The following GOPC variants were observed in gnomAD, a reference collection of about 807,000 sequenced individuals.
The protein encoded by GOPC is Golgi-associated PDZ and coiled-coil motif-containing protein.
GOPC carries 32 observed loss-of-function variants against 51.2 expected under a neutral mutation model. The observed-to-expected ratio is 0.63, with a 90% CI of 0.47 to 0.84. The LOEUF is 0.84. Ranked by LOEUF, GOPC falls within the 40% of genes least tolerant of loss-of-function variation. The pLI is 0.00. For synonymous variants in GOPC, 190 were observed against 205.1 expected, an observed-to-expected ratio of 0.93 and a Z score of 0.63; for missense variants, 441 against 555.5, an observed-to-expected ratio of 0.79 and a Z score of 2.07.
intron 1 of GOPC, among the ~76,000 whole-genome samples, chr6:117,596,059 TA>T (rs1400040466): frequency 4.0e-5 from 6 of 149,396 alleles, no homozygotes; most frequent in Non-Finnish European, 7.5e-5. Flanking sequence ...TGCCAACATC[TA>T]TTTTTTTTTA....
At chr6:117,576,531 G>A (rs371628017) in intron 3 of GOPC, among the ~76,000 whole-genome samples, 1 of 152,026 alleles carries the variant, frequency 6.6e-6, no homozygotes, top group Non-Finnish European at 1.5e-5. Flanking sequence ...CCTAGACCAA[G>A]ATTTCTTTGG....
Position 117,575,269 on chromosome 6 carries a change from A to G in GOPC, c.558T>C (p.Asn186=). Residue 186 remains asparagine (N), a synonymous_variant, in exon 4 of 9, where the codon AAT becomes AAC. Coordinates refer to ENST00000368498, the MANE Select transcript of GOPC (RefSeq NM_020399.4). ...CAGCTATATGTCTACGAAGGGCTTCATTCTCTTTTCTCAACAATTTCACTT... is the reference window on the plus strand; with the variant it reads ...CAGCTATATGTCTACGAAGGGCTTCGTTCTCTTTTCTCAACAATTTCACTT... ...EAEVKLLRKE[N]EALRRHIAVL... 1 of 1,613,732 alleles carries G rather than the reference A, an allele frequency of 6.2e-7. No individual in the cohort carries two copies. The highest frequency in any genetic ancestry group is 8.5e-7 in the Non-Finnish European group (1 of 1,179,790).
In GOPC at chr6:117,588,435, C is replaced by T. The variant is rs538254065; in HGVS notation, c.286-9371G>A. Among the ~76,000 whole-genome samples, 21 of 152,058 alleles carry T rather than the reference C, an allele frequency of 1.4e-4. No individual in the cohort carries two copies. The East Asian group carries it at 4.1e-3, about 29-fold the overall frequency. ...GGATTACCACTGCCCGCCACCACGC[C>T]CAGCTAATTTTTGTATTTTTAGTAG... On this transcript the variant is annotated intron_variant, in intron 1 of 8. Transcript: ENST00000368498.
At chr6:117,570,077 G>A (rs1258112731) in intron 6 of GOPC, among the ~76,000 whole-genome samples, 1 of 151,974 alleles carries the variant, frequency 6.6e-6, no homozygotes, top group Non-Finnish European at 1.5e-5. Flanking sequence ...CAATTTCAGA[G>A]AAGTTAAAAT....
At chr6:117,598,128 G>A (rs1780228116) in intron 1 of GOPC, among the ~76,000 whole-genome samples, 1 of 151,024 alleles carries the variant, frequency 6.6e-6, no homozygotes, top group Non-Finnish European at 1.5e-5. Flanking sequence ...AGAGGTTGAG[G>A]CAGGAGGATC....
At position 117,578,949 on chromosome 6, in the gene GOPC, T is replaced by C. The variant is rs769770198; in HGVS notation, c.401A>G (p.His134Arg). The change falls in exon 2 of 9, where the codon CAT (histidine) becomes CGT (arginine). Residue 134 changes from histidine to arginine, a missense_variant. By Grantham distance (29) the His-to-Arg change is conservative. This residue lies in a region of GOPC where 204 missense variants were observed against 219.8 expected (regional missense o/e 0.93). Transcript: ENST00000368498. ...LQLHSIQLQL[H>R]AKTGQSADSG... Reference sequence around the variant, plus strand: ...GTCAGCACTTTGACCAGTTTTAGCATGAAGCTGCAGCTGAATAGAGTGCAG... The same window carrying C: ...GTCAGCACTTTGACCAGTTTTAGCACGAAGCTGCAGCTGAATAGAGTGCAG... The C allele has an allele frequency of 1.1e-5, 17 of 1,611,028 alleles. No individual in the cohort carries two copies. Among genetic ancestry groups the C allele is most frequent in the African/African-American group, 1.3e-5 (1 of 74,824 alleles).
chr6:117,585,088 G>A (rs1297119897), intron 1 of GOPC, among the ~76,000 whole-genome samples: 1 of 152,092 alleles, frequency 6.6e-6, no homozygotes, highest in African/African-American at 2.4e-5. Context: ...ATTAACATAA[G>A]AGGCATAACT....
Position 117,579,032 on chromosome 6 carries a change from T to C in GOPC, c.318A>G (p.Thr106=), listed in dbSNP as rs1192442056. 6.2e-7 allele frequency: 1 copy of C among 1,609,232 alleles called. No homozygotes were observed. The highest frequency in any genetic ancestry group is 1.3e-5 in the African/African-American group (1 of 74,726). The stretch of plus-strand genomic sequence containing the variant: ...AAACAACTTTCTCTGCTTGGGTTTC[T>C]GTCAGTTCAGATTTCAGATCCACCA... ...AQLVDLKSEL[T]ETQAEKVVLE... The change falls in exon 2 of 9, where the codon ACA becomes ACG. Residue 106 remains threonine, a synonymous_variant. Coordinates refer to ENST00000368498, the MANE Select transcript of GOPC (RefSeq NM_020399.4).
chr6:117,591,143 C>A (rs1780111129), intron 1 of GOPC, among the ~76,000 whole-genome samples: 1 of 152,164 alleles, frequency 6.6e-6, no homozygotes, highest in Non-Finnish European at 1.5e-5. Flanking sequence ...TGAACCACCA[C>A]ACCCGGCCCC....
At chr6:117,586,475 C>CTTTTTTTTTTTTTTTTTTTTTTTTTT (rs869148559) in intron 1 of GOPC, among the ~76,000 whole-genome samples, 1 of 91,930 alleles carries the variant, frequency 1.1e-5, no homozygotes, top group Non-Finnish European at 2.1e-5. Context: ...CACAGAGATT[C>CTTTTTTTTTTTTTTTTTTTTTTTTTT]TTTTTTTTTT....
At chr6:117,585,483 A>G (rs1297074364) in intron 1 of GOPC, among the ~76,000 whole-genome samples, 1 of 152,182 alleles carries the variant, frequency 6.6e-6, no homozygotes, top group Non-Finnish European at 1.5e-5. Flanking sequence ...CTTTTGATAA[A>G]GTTTTAGAAG....
In GOPC at chr6:117,561,914, TG is replaced by T. The variant is rs1197497996; in HGVS notation, c.*1339del. The T allele has an allele frequency of 9.6e-6, 2 of 207,390 alleles. No individual in the cohort carries two copies. The highest frequency in any genetic ancestry group is 2.0e-5 in the Non-Finnish European group (2 of 101,396). The allele number at this position is 207,390 out of a possible 1,614,324, so 12.8% of individuals were successfully genotyped here. On this transcript the variant is annotated 3_prime_UTR_variant, in exon 9 of 9. Transcript: ENST00000368498. Reference sequence around the variant, plus strand: ...GTGTATCTGGGAAAGCCAAAAAAAATGTGTTTTATCACATAACATCTGAATA... The same window carrying T: ...GTGTATCTGGGAAAGCCAAAAAAAATTGTTTTATCACATAACATCTGAATA...
At chr6:117,576,264 A>G (rs1393338721) in intron 3 of GOPC, among the ~76,000 whole-genome samples, 3 of 152,092 alleles carry the variant, frequency 2.0e-5, no homozygotes, top group African/African-American at 7.2e-5. Context: ...ATATATGACA[A>G]ACAGATGAAA....
chr6:117,575,664 A>G, intron 3 of GOPC: 2 of 440,318 alleles, frequency 4.5e-6, no homozygotes, highest in South Asian at 4.3e-5. Context: ...ATTTACTTCT[A>G]AAACCCTTTT....
At chr6:117,565,934 G>A (rs958465843) in intron 8 of GOPC, among the ~76,000 whole-genome samples, 14 of 152,248 alleles carry the variant, frequency 9.2e-5, no homozygotes, top group African/African-American at 3.4e-4. Flanking sequence ...CAGAGTAAGT[G>A]CTTTATGCAT....
At chr6:117,576,988 A>G (rs1418900704) in intron 3 of GOPC, among the ~76,000 whole-genome samples, 1 of 151,846 alleles carries the variant, frequency 6.6e-6, no homozygotes, top group East Asian at 1.9e-4. Context: ...AATTGTTTCA[A>G]AGGCCATACG....
chr6:117,569,885 T>C, intron 6 of GOPC, 149 bp from the exon 7 acceptor site: 1 of 846,138 alleles, frequency 1.2e-6, no homozygotes, highest in East Asian at 3.3e-5. Flanking sequence ...ATTTGCTACT[T>C]AAGTAATGGT....
In GOPC at chr6:117,602,408, C is replaced by T. The variant is rs1772034821; in HGVS notation, c.-120G>A. 1 of 959,898 alleles carries T rather than the reference C, an allele frequency of 1.0e-6. No homozygotes were observed. 59.5% of individuals were successfully genotyped at this position (959,898 alleles called of 1,614,324 possible). A position where few individuals can be genotyped will look rare whatever the true frequency, so the allele number is the denominator to read the frequency against. On this transcript the variant is annotated 5_prime_UTR_variant, in exon 1 of 9. The change creates a new upstream start codon in the 5' untranslated region. Coordinates refer to ENST00000368498, the MANE Select transcript of GOPC (RefSeq NM_020399.4). ...GGGCACACTCCGTCACCTCCCTTCA[C>T]CTCGCGCCGTTAACGCCAGCAGCAC...
intron 1 of GOPC, among the ~76,000 whole-genome samples, chr6:117,581,239 A>G (rs1779953212): frequency 1.3e-5 from 2 of 152,212 alleles, no homozygotes; most frequent in Admixed American, 1.3e-4. Flanking sequence ...GGATGGCCCA[A>G]GAGGTAGAAG....
Sources: allele counts gnomAD v4.1 joint callset (sites outside exome capture counted in the v4.1 genomes callset), GRCh38; gene constraint gnomAD v4.1.1; regional missense constraint gnomAD v4.1.1; transcripts MANE v1.5; gene names NCBI Gene and HGNC (gene_info 2026-07-23, HGNC 2026-07-21).